Variants in FAM168B observed in about 807,000 individuals in gnomAD.
FAM168B encodes family with sequence similarity 168 member B, also known as myelin-associated neurite-outgrowth inhibitor.
In FAM168B, 19 loss-of-function variants were observed where a neutral mutation model predicts 21.8. The ratio of observed to expected loss-of-function variants is 0.87; its 90% CI spans 0.61 to 1.28. The LOEUF is 1.28. Among genes scored for constraint, FAM168B ranks in the 50% most tolerant of loss-of-function variants. FAM168B has a pLI of 0.00. For synonymous variants in FAM168B, 126 were observed against 104.8 expected (o/e 1.20, Z -1.24); for missense variants, 233 against 263.1 (o/e 0.89, Z 0.79).
chr2:131,085,791 T>G (rs1041557419), intron 1 of FAM168B, among the ~76,000 whole-genome samples: 4 of 152,232 alleles, frequency 2.6e-5, no homozygotes, highest in Non-Finnish European at 4.4e-5. Context: ...TGATAGGTCT[T>G]GACCAGCACT....
chr2:131,076,889 G>T (rs1558981949), intron 2 of FAM168B, among the ~76,000 whole-genome samples: 1 of 145,684 alleles, frequency 6.9e-6, no homozygotes. Context: ...CTACAACTAC[G>T]CTGACTAACT....
chr2:131,056,591 T>C (rs1692035484), intron 3 of FAM168B, among the ~76,000 whole-genome samples: 1 of 152,108 alleles, frequency 6.6e-6, no homozygotes, highest in Non-Finnish European at 1.5e-5. Flanking sequence ...GAAGAGGGGT[T>C]TGGTCTCAGG....
intron 1 of FAM168B, 77 bp from the exon 2 acceptor site, chr2:131,082,734 G>A (rs558003280): frequency 1.4e-4 from 115 of 840,060 alleles, no homozygotes; most frequent in Non-Finnish European, 2.0e-4. Flanking sequence ...CCAAAAAGCA[G>A]GTAGCTAGAG....
At chr2:131,079,517 T>C (rs930051835) in intron 2 of FAM168B, among the ~76,000 whole-genome samples, 9 of 152,112 alleles carry the variant, frequency 5.9e-5, no homozygotes, top group African/African-American at 1.9e-4. Flanking sequence ...GATGTGACCA[T>C]GGAGGCAGAA....
In FAM168B at chr2:131,071,978, A is replaced by C. The variant is rs781539958; in HGVS notation, c.71-40T>G. The C allele has an allele frequency of 3.8e-6, 6 of 1,561,738 alleles. No individual in the cohort carries two copies. The South Asian group carries it at 6.7e-5, about 17-fold the overall frequency. On this transcript the variant is annotated intron_variant, in intron 2 of 6. Transcript: ENST00000389915. Reference sequence around the variant, plus strand: ...AGAACAATCTCATGTCATCAACTGAAGTAGCGACAATCACTAGAGCTCCTG... The same window carrying C: ...AGAACAATCTCATGTCATCAACTGACGTAGCGACAATCACTAGAGCTCCTG...
Position 131,073,974 on chromosome 2 carries a change from T to C in FAM168B, c.71-2036A>G, listed in dbSNP as rs140084697. Among the ~76,000 whole-genome samples, 1,278 of 152,228 alleles carry C rather than the reference T, an allele frequency of 8.4e-3. 20 individuals carry two copies. Among genetic ancestry groups the C allele is most frequent in the African/African-American group, 0.028 (1,181 of 41,510 alleles). On this transcript the variant is annotated intron_variant, in intron 2 of 6. Coordinates refer to ENST00000389915, the MANE Select transcript of FAM168B (RefSeq NM_001009993.4). ...CGAAACAGAAACATCAAATAAGACA[T>C]TGAGTGCTACAGTCAGAATCCTGGC...
Position 131,049,724 on chromosome 2 carries a change from G to A in FAM168B, c.*2741C>T. 1.0e-6 allele frequency: 1 copy of A among 985,838 alleles called. No homozygotes were observed. Among genetic ancestry groups the A allele is most frequent in the Non-Finnish European group, 1.2e-6 (1 of 829,940 alleles). 61.1% of individuals were successfully genotyped at this position (985,838 alleles called of 1,614,324 possible). ...TTACCTGCTGTCTCAACTTCTAAAA[G>A]AATAGTAATTCAGCTGAAGGACTCC... On this transcript the variant is annotated 3_prime_UTR_variant, in exon 7 of 7. Transcript: ENST00000389915.
At chr2:131,071,718 TATC>T in intron 3 of FAM168B, 134 bp downstream of exon 3, 1 of 721,530 alleles carries the variant, frequency 1.4e-6, no homozygotes, top group South Asian at 1.7e-5. Flanking sequence ...TTGTTGCACT[TATC>T]AACAGGCTAA....
intron 1 of FAM168B, among the ~76,000 whole-genome samples, chr2:131,092,080 C>T (rs200046560): frequency 6.7e-6 from 1 of 150,018 alleles, no homozygotes; most frequent in African/African-American, 2.5e-5. Context: ...GGAGGCGGAG[C>T]TTGCAGTGAG....
intron 2 of FAM168B, among the ~76,000 whole-genome samples, chr2:131,077,503 G>T (rs148694379): frequency 3.9e-5 from 6 of 152,276 alleles, no homozygotes; most frequent in South Asian, 4.1e-4. Context: ...CCTCCCTGCT[G>T]GATTTTCCTA....
chr2:131,064,890 G>C (rs760058752), intron 3 of FAM168B, among the ~76,000 whole-genome samples: 3 of 152,116 alleles, frequency 2.0e-5, no homozygotes, highest in Non-Finnish European at 2.9e-5. Flanking sequence ...CAACACATCG[G>C]GGGTAGCTGG....
At position 131,052,761 on chromosome 2, in the gene FAM168B, A is replaced by G. The variant is rs191402850; in HGVS notation, c.*12+130T>C. 1.3e-5 allele frequency: 18 copies of G among 1,376,706 alleles called. No individual in the cohort carries two copies. In the Admixed American group the frequency reaches 2.8e-4, roughly 22 times the overall value. The allele number at this position is 1,376,706 out of a possible 1,614,324, so 85.3% of individuals were successfully genotyped here. A position where few individuals can be genotyped will look rare whatever the true frequency, so the allele number is the denominator to read the frequency against. ...CTCAATAAAAACAAAAAATTTAAAC[A>G]CTACATTGCCTCTGGATCCAGGGTC... On this transcript the variant is annotated intron_variant, in intron 6 of 6. Transcript: ENST00000389915.
chr2:131,064,948 A>G (rs773404791), intron 3 of FAM168B, among the ~76,000 whole-genome samples: 37 of 152,230 alleles, frequency 2.4e-4, no homozygotes, highest in Non-Finnish European at 4.4e-4. Context: ...AAGACACCAG[A>G]TAAGTACAGT....
At chr2:131,063,866 C>CT (rs904156640) in intron 3 of FAM168B, among the ~76,000 whole-genome samples, 53 of 148,570 alleles carry the variant, frequency 3.6e-4, no homozygotes, top group Middle Eastern at 3.4e-3. Flanking sequence ...TGCTTGCCAC[C>CT]TTTTTTTTTT....
In FAM168B at chr2:131,051,568, A is replaced by G; in HGVS notation, c.*897T>C. 2 of 985,358 alleles carry G rather than the reference A, an allele frequency of 2.0e-6. No homozygotes were observed. Among genetic ancestry groups the G allele is most frequent in the Non-Finnish European group, 2.4e-6 (2 of 829,918 alleles). 61.0% of individuals were successfully genotyped at this position (985,358 alleles called of 1,614,324 possible). A position where few individuals can be genotyped will look rare whatever the true frequency, so the allele number is the denominator to read the frequency against. On this transcript the variant is annotated 3_prime_UTR_variant, in exon 7 of 7. Coordinates refer to ENST00000389915, the MANE Select transcript of FAM168B (RefSeq NM_001009993.4). ...GCAAGCATGGCTGTTTCTCTTTCAC[A>G]TTTCTTCCATCCCAGGAAAATAATT... is the stretch of plus-strand genomic sequence containing the variant.
At chr2:131,089,675 G>A (rs1368834059) in intron 1 of FAM168B, among the ~76,000 whole-genome samples, 3 of 147,002 alleles carry the variant, frequency 2.0e-5, no homozygotes, top group African/African-American at 5.0e-5. Context: ...CCGAGATGGC[G>A]CCACTGCACT....
chr2:131,055,453 T>G lies in FAM168B; in HGVS notation c.298-4A>C. 6.2e-7 allele frequency: 1 copy of G among 1,606,656 alleles called. No individual in the cohort carries two copies. Among genetic ancestry groups the G allele is most frequent in the South Asian group, 1.1e-5 (1 of 90,148 alleles). On this transcript the variant is annotated splice_polypyrimidine_tract_variant and splice_region_variant and intron_variant, in intron 4 of 6. Transcript: ENST00000389915. ...GCTGTGTGTAGTACGTGCCTTGCTG[T>G]GGGGAGAAGAGAGACAACTGACACA... is the stretch of plus-strand genomic sequence containing the variant.
intron 3 of FAM168B, among the ~76,000 whole-genome samples, chr2:131,064,267 G>A (rs1007762750): frequency 2.6e-5 from 4 of 151,870 alleles, no homozygotes; most frequent in East Asian, 1.9e-4. Context: ...TGTACCACGC[G>A]GATTTTTTTA....
chr2:131,050,816 C>T lies in FAM168B; in HGVS notation c.*1649G>A, dbSNP rs865992884. 9 of 985,242 alleles carry T rather than the reference C, an allele frequency of 9.1e-6. No individual in the cohort carries two copies. The South Asian group carries it at 1.4e-4, about 15-fold the overall frequency. The allele number at this position is 985,242 out of a possible 1,614,324, so 61.0% of individuals were successfully genotyped here. A position where few individuals can be genotyped will look rare whatever the true frequency, so the allele number is the denominator to read the frequency against. On this transcript the variant is annotated 3_prime_UTR_variant, in exon 7 of 7. Coordinates refer to ENST00000389915, the MANE Select transcript of FAM168B (RefSeq NM_001009993.4). ...ACCAGCAAATGAAGAGGAGCAGAGC[C>T]CCCTCCCCACCAGAGCCCACAGCAC...
Sources: gnomAD v4.1 joint callset for allele counts (sites outside exome capture counted in the v4.1 genomes callset) on GRCh38, gnomAD v4.1.1 for gene constraint, MANE v1.5 for transcripts, NCBI Gene and HGNC (gene_info 2026-07-23, HGNC 2026-07-21) for gene names.